The following CDH13 variants were observed in gnomAD, a reference collection of about 807,000 sequenced individuals.
CDH13 encodes the protein cadherin 13, also known as cadherin-13.
In CDH13, 24 loss-of-function variants were observed where a neutral mutation model predicts 63.8. That is an observed-to-expected ratio of 0.38 (90% CI 0.27 to 0.53). The LOEUF (loss-of-function observed/expected upper bound fraction) is 0.53. Among genes scored for constraint, CDH13 ranks in the 20% least tolerant of loss-of-function variants. CDH13 has a pLI of 0.85. For missense variants in CDH13, 1,049 were observed against 903.1 expected, an observed-to-expected ratio of 1.16 and a Z score of -2.07; for synonymous variants, 503 against 355.3, an observed-to-expected ratio of 1.42 and a Z score of -4.67.
chr16:83,186,080 T>TTTTATTTTATTTTATTTTATTTTA (rs2038509868), intron 4 of CDH13, among the ~76,000 whole-genome samples: 2 of 109,932 alleles, frequency 1.8e-5, no homozygotes, highest in South Asian at 3.4e-4. Flanking sequence ...TAAAGGCATC[T>TTTTATTTTATTTTATTTTATTTTA]TTTTATTTTA....
intron 4 of CDH13, among the ~76,000 whole-genome samples, chr16:83,186,090 A>C (rs2038509186): frequency 1.7e-5 from 1 of 57,646 alleles, no homozygotes; most frequent in African/African-American, 1.0e-4. Flanking sequence ...TTTTTATTTT[A>C]TTTTATTTTA....
intron 2 of CDH13, 151 bp from the exon 3 acceptor site, chr16:83,031,859 C>T (rs1204396996): frequency 4.6e-6 from 3 of 646,350 alleles, no homozygotes; most frequent in Non-Finnish European, 8.1e-6. Flanking sequence ...GTCACTTGGG[C>T]ACAGGCATCT....
chr16:83,576,063 C>T (rs1049218883), intron 7 of CDH13, among the ~76,000 whole-genome samples: 2 of 152,220 alleles, frequency 1.3e-5, no homozygotes, highest in African/African-American at 2.4e-5. Context: ...GCATTTAGTA[C>T]TTTCACGATG....
At chr16:82,858,179 A>G (rs142757872) in intron 1 of CDH13, among the ~76,000 whole-genome samples, 183 bp from the exon 2 acceptor site, 62 of 152,356 alleles carry the variant, frequency 4.1e-4, no homozygotes, top group African/African-American at 1.3e-3. Context: ...CCATTTGCGT[A>G]TTCTCCAAAT....
chr16:83,604,403 T>A (rs185836563), intron 8 of CDH13, among the ~76,000 whole-genome samples: 151 of 152,232 alleles, frequency 9.9e-4, no homozygotes, highest in Admixed American at 5.8e-3. Context: ...AAGAAATTAG[T>A]CACAAAAATT....
intron 5 of CDH13, among the ~76,000 whole-genome samples, chr16:83,242,432 A>G (rs1904555294): frequency 8.9e-6 from 1 of 112,882 alleles, no homozygotes; most frequent in African/African-American, 3.0e-5. Flanking sequence ...TCTGACATCA[A>G]AAGATTTTTT....
intron 4 of CDH13, among the ~76,000 whole-genome samples, chr16:83,153,767 C>G (rs2037088761): frequency 6.6e-6 from 1 of 152,180 alleles, no homozygotes. Flanking sequence ...CTTCTAACTT[C>G]CAAAACCATG....
intron 10 of CDH13, among the ~76,000 whole-genome samples, chr16:83,706,863 T>C (rs1344816851): frequency 1.3e-5 from 2 of 152,206 alleles, no homozygotes; most frequent in African/African-American, 2.4e-5. Context: ...TCCATCCTTA[T>C]GTCTCTCTGA....
chr16:83,393,076 G>A (rs2091819563), intron 6 of CDH13, among the ~76,000 whole-genome samples: 2 of 152,124 alleles, frequency 1.3e-5, no homozygotes. Context: ...TAAATACATA[G>A]ATAAATACTA....
At chr16:83,131,049 G>T (rs994214124) in intron 4 of CDH13, among the ~76,000 whole-genome samples, 4 of 152,162 alleles carry the variant, frequency 2.6e-5, no homozygotes, top group Non-Finnish European at 5.9e-5. Context: ...TAATTAGTTG[G>T]TTGGTAAGTA....
At chr16:83,663,071 C>T (rs974792289) in intron 8 of CDH13, among the ~76,000 whole-genome samples, 7 of 152,152 alleles carry the variant, frequency 4.6e-5, no homozygotes, top group African/African-American at 1.7e-4. Flanking sequence ...AAAAAATGGC[C>T]ACCCCTTGCA....
chr16:83,137,231 T>C (rs528463590), intron 4 of CDH13, among the ~76,000 whole-genome samples: 3 of 152,304 alleles, frequency 2.0e-5, no homozygotes, highest in African/African-American at 7.2e-5. Flanking sequence ...GTTAAGTAAC[T>C]TGTCCAACTT....
In CDH13 at chr16:82,721,350, T is replaced by C. The variant is rs145788644; in HGVS notation, c.45+94213T>C. On this transcript the variant is annotated intron_variant, in intron 1 of 13. Coordinates refer to ENST00000567109, the MANE Select transcript of CDH13 (RefSeq NM_001257.5). ...CAGATGAAGGAACATCAATTCTGCC[T>C]TGGGGCCCAAAGAAACCAGTTGGGA... Among the ~76,000 whole-genome samples, 386 of 152,234 alleles carry C rather than the reference T, an allele frequency of 2.5e-3. 1 individual carries two copies. The highest frequency in any genetic ancestry group is 8.9e-3 in the African/African-American group (369 of 41,552).
At chr16:83,232,666 G>A (rs1449996629) in intron 5 of CDH13, among the ~76,000 whole-genome samples, 1 of 151,926 alleles carries the variant, frequency 6.6e-6, no homozygotes, top group South Asian at 2.1e-4. Flanking sequence ...AGTTTCCTGA[G>A]TCCTCCCCAG....
At chr16:82,788,082 G>A (rs1364222560) in intron 1 of CDH13, among the ~76,000 whole-genome samples, 1 of 152,114 alleles carries the variant, frequency 6.6e-6, no homozygotes, top group Non-Finnish European at 1.5e-5. Context: ...CTCTCTGGAG[G>A]CTATAACCAA....
intron 6 of CDH13, among the ~76,000 whole-genome samples, chr16:83,413,441 C>A (rs910971671): frequency 2.0e-5 from 3 of 152,320 alleles, no homozygotes; most frequent in African/African-American, 7.2e-5. Context: ...ACTTTCATTC[C>A]TCACCAGGCA....
chr16:82,951,736 G>A (rs548318098), intron 2 of CDH13, among the ~76,000 whole-genome samples: 4 of 152,160 alleles, frequency 2.6e-5, no homozygotes, highest in African/African-American at 9.6e-5. Flanking sequence ...GGCTTTCTCT[G>A]ATGTCCATAA....
intron 6 of CDH13, among the ~76,000 whole-genome samples, chr16:83,421,500 G>A (rs1045879219): frequency 6.6e-6 from 1 of 152,168 alleles, no homozygotes; most frequent in Non-Finnish European, 1.5e-5. Flanking sequence ...TTGCAAGACG[G>A]CTGATGCAAC....
At chr16:83,275,184 T>G (rs186037330) in intron 5 of CDH13, among the ~76,000 whole-genome samples, 2 of 152,340 alleles carry the variant, frequency 1.3e-5, no homozygotes, top group Non-Finnish European at 2.9e-5. Flanking sequence ...ATAGAGCATT[T>G]ATGATGTTCA....
Sources: allele counts gnomAD v4.1 joint callset (sites outside exome capture counted in the v4.1 genomes callset), GRCh38; gene constraint gnomAD v4.1.1; transcripts MANE v1.5; gene names NCBI Gene and HGNC (gene_info 2026-07-23, HGNC 2026-07-21).